NALF1: variants seen among roughly 807,000 people sequenced by gnomAD.
NALF1 encodes NALCN channel auxiliary factor 1, also known as family with sequence similarity 155 member A.
A neutral mutation model predicts 48.4 loss-of-function variants in NALF1; 3 were observed. The observed-to-expected ratio is 0.06, with a 90% CI of 0.03 to 0.16. The LOEUF is 0.16. NALF1 is among the 10% of genes least tolerant of loss of function. NALF1 has a pLI of 1.00. For synonymous variants in NALF1, 262 were observed against 245.7 expected (o/e 1.07, Z -0.62); for missense variants, 526 against 571.5 (o/e 0.92, Z 0.81).
chr13:107,492,612 G>A (rs1391303387), intron 1 of NALF1, among the ~76,000 whole-genome samples: 1 of 152,024 alleles, frequency 6.6e-6, no homozygotes, highest in Non-Finnish European at 1.5e-5. Flanking sequence ...CAATTCTACA[G>A]TATTTTTCTA....
intron 1 of NALF1, among the ~76,000 whole-genome samples, chr13:107,827,884 T>TA (rs1232107895): frequency 6.6e-6 from 1 of 152,168 alleles, no homozygotes; most frequent in Non-Finnish European, 1.5e-5. Context: ...AAAGGGCGAT[T>TA]AAAAACATGT....
chr13:107,472,631 A>C (rs1885118986), intron 1 of NALF1, among the ~76,000 whole-genome samples: 1 of 152,092 alleles, frequency 6.6e-6, no homozygotes, highest in Admixed American at 6.6e-5. Context: ...CCCGTGCTGG[A>C]TGCTTCCTGC....
intron 1 of NALF1, among the ~76,000 whole-genome samples, chr13:107,497,149 ATAAATT>A (rs1875364225): frequency 6.6e-6 from 1 of 152,224 alleles, no homozygotes; most frequent in African/African-American, 2.4e-5. Context: ...ATACAGCCTA[ATAAATT>A]TAAACATCCA....
intron 1 of NALF1, among the ~76,000 whole-genome samples, chr13:107,699,468 C>T (rs1881772095): frequency 6.6e-6 from 1 of 152,114 alleles, no homozygotes; most frequent in Non-Finnish European, 1.5e-5. Flanking sequence ...AAACAGGCCA[C>T]TGAAAGGACT....
chr13:107,212,524 G>T (rs1438661577), intron 1 of NALF1, among the ~76,000 whole-genome samples: 1 of 152,204 alleles, frequency 6.6e-6, no homozygotes, highest in Non-Finnish European at 1.5e-5. Flanking sequence ...GCCTCAGGGG[G>T]ACAGGTGAAG....
chr13:107,385,552 CAAAAAAA>C (rs201307018), intron 1 of NALF1, among the ~76,000 whole-genome samples: 1 of 118,292 alleles, frequency 8.5e-6, no homozygotes, highest in African/African-American at 3.4e-5. Context: ...GATTCCATCT[CAAAAAAA>C]AAAAAAAAAA....
intron 1 of NALF1, among the ~76,000 whole-genome samples, chr13:107,790,314 A>T (rs968228995): frequency 1.3e-5 from 2 of 152,226 alleles, no homozygotes; most frequent in African/African-American, 4.8e-5. Context: ...CAGTACAAAG[A>T]ATATGTCAAA....
intron 1 of NALF1, among the ~76,000 whole-genome samples, chr13:107,502,290 C>G (rs2139079275): frequency 6.6e-6 from 1 of 152,026 alleles, no homozygotes; most frequent in East Asian, 1.9e-4. Context: ...GATTTCTGGG[C>G]CCCCCTCCAT....
intron 1 of NALF1, among the ~76,000 whole-genome samples, chr13:107,677,793 T>A (rs1881169308): frequency 6.7e-6 from 1 of 150,226 alleles, no homozygotes; most frequent in Admixed American, 6.6e-5. Flanking sequence ...ATACTGTAAA[T>A]AATTAAAATG....
At chr13:107,692,062 T>C (rs1881579898) in intron 1 of NALF1, among the ~76,000 whole-genome samples, 1 of 152,078 alleles carries the variant, frequency 6.6e-6, no homozygotes, top group South Asian at 2.1e-4. Flanking sequence ...TACGGACAAA[T>C]GAGAATACGA....
chr13:107,510,194 T>C (rs1451746936), intron 1 of NALF1, among the ~76,000 whole-genome samples: 1 of 152,204 alleles, frequency 6.6e-6, no homozygotes, highest in Non-Finnish European at 1.5e-5. Flanking sequence ...GTGATGATCA[T>C]ATTGCTATTT....
intron 1 of NALF1, among the ~76,000 whole-genome samples, chr13:107,264,094 G>A (rs749385442): frequency 1.1e-4 from 16 of 152,178 alleles, no homozygotes; most frequent in South Asian, 2.1e-4. Context: ...TTCTCCATTC[G>A]TGATATTCAA....
chr13:107,449,255 A>G (rs896925006), intron 1 of NALF1, among the ~76,000 whole-genome samples: 1 of 148,848 alleles, frequency 6.7e-6, no homozygotes, highest in African/African-American at 2.5e-5. Flanking sequence ...AAAAAAGAAT[A>G]AAAAAAAAAG....
At chr13:107,504,577 C>T (rs769545032) in intron 1 of NALF1, among the ~76,000 whole-genome samples, 2 of 152,120 alleles carry the variant, frequency 1.3e-5, no homozygotes, top group East Asian at 1.9e-4. Flanking sequence ...TTCCTTTATT[C>T]GTTTCCATGT....
chr13:107,482,044 C>G (rs1885262258), intron 1 of NALF1, among the ~76,000 whole-genome samples: 1 of 152,084 alleles, frequency 6.6e-6, no homozygotes, highest in South Asian at 2.1e-4. Context: ...AAACACCTAT[C>G]TAGATGTCAC....
intron 1 of NALF1, among the ~76,000 whole-genome samples, chr13:107,838,675 C>G (rs1879968815): frequency 6.6e-6 from 1 of 152,090 alleles, no homozygotes; most frequent in Non-Finnish European, 1.5e-5. Context: ...TTCAAGCTAT[C>G]ATTTAAATTC....
intron 1 of NALF1, among the ~76,000 whole-genome samples, chr13:107,498,161 G>C (rs1282583072): frequency 2.0e-5 from 3 of 152,084 alleles, no homozygotes; most frequent in Non-Finnish European, 2.9e-5. Flanking sequence ...CAAGAAAAAA[G>C]AATGCCTAAA....
intron 1 of NALF1, among the ~76,000 whole-genome samples, chr13:107,378,936 G>A (rs1883385638): frequency 1.3e-5 from 2 of 151,720 alleles, no homozygotes. Flanking sequence ...GAACAATCAG[G>A]GTTTGATATT....
intron 1 of NALF1, among the ~76,000 whole-genome samples, chr13:107,300,758 C>G (rs542250364): frequency 6.6e-6 from 1 of 152,244 alleles, no homozygotes; most frequent in South Asian, 2.1e-4. Flanking sequence ...TAATAAATAG[C>G]TTGTTGAAAT....
Sources: gnomAD v4.1 joint callset for allele counts (sites outside exome capture counted in the v4.1 genomes callset) on GRCh38, gnomAD v4.1.1 for gene constraint, MANE v1.5 for transcripts, NCBI Gene and HGNC (gene_info 2026-07-23, HGNC 2026-07-21) for gene names.